TMPRSS11A: variants seen among roughly 807,000 people sequenced by gnomAD.
TMPRSS11A encodes transmembrane serine protease 11A.
A neutral mutation model predicts 58.9 loss-of-function variants in TMPRSS11A; 53 were observed. The observed-to-expected ratio is 0.90, with a 90% confidence interval of 0.72 to 1.13. The LOEUF is 1.13. Ranked by LOEUF, TMPRSS11A falls within the 50% of genes most tolerant of loss-of-function variation. The probability of loss-of-function intolerance (pLI) is 0.00; values close to 1 mark genes in which losing one functional copy is unlikely to be tolerated. For synonymous variants in TMPRSS11A, 167 were observed against 169.8 expected, an observed-to-expected ratio of 0.98 and a Z score of 0.13; for missense variants, 493 against 499.3, an observed-to-expected ratio of 0.99 and a Z score of 0.12.
chr4:67,948,645 A>T (rs1020166251), intron 1 of TMPRSS11A, among the ~76,000 whole-genome samples: 1 of 152,220 alleles, frequency 6.6e-6, no homozygotes, highest in Non-Finnish European at 1.5e-5. Flanking sequence ...AAAATAATCT[A>T]GAGAACTGGC....
chr4:67,963,363 T>C lies in TMPRSS11A; in HGVS notation c.11+20A>G, dbSNP rs753752383. On this transcript the variant is annotated intron_variant, in intron 1 of 9. Transcript: ENST00000508048. ...GACAGTACATCAAACAAGCCATCTA[T>C]AAAACAGAACTGAACTTACCGATAC... 1 of 1,613,594 alleles carries C rather than the reference T, an allele frequency of 6.2e-7. No homozygotes were observed. The highest frequency in any genetic ancestry group is 2.2e-5 in the East Asian group (1 of 44,856).
At chr4:67,932,811 T>G (rs889851370) in intron 3 of TMPRSS11A, among the ~76,000 whole-genome samples, 2 of 152,072 alleles carry the variant, frequency 1.3e-5, no homozygotes, top group African/African-American at 4.8e-5. Context: ...TAGGTGGTAT[T>G]CCAGTATTAG....
intron 1 of TMPRSS11A, among the ~76,000 whole-genome samples, chr4:67,953,841 C>T (rs1340705699): frequency 6.6e-6 from 1 of 151,942 alleles, no homozygotes; most frequent in East Asian, 1.9e-4. Flanking sequence ...TTCCACAGAA[C>T]AGTTTTGAAA....
chr4:67,913,827 T>C (rs1720069878), intron 9 of TMPRSS11A, among the ~76,000 whole-genome samples: 1 of 152,212 alleles, frequency 6.6e-6, no homozygotes, highest in African/African-American at 2.4e-5. Context: ...TGCCACCTGA[T>C]ATCAATACCA....
intron 3 of TMPRSS11A, among the ~76,000 whole-genome samples, chr4:67,940,265 A>T (rs901625811): frequency 2.0e-5 from 3 of 152,118 alleles, no homozygotes; most frequent in Non-Finnish European, 4.4e-5. Context: ...ATTTAGGAAG[A>T]AGTCTCTTCT....
At position 67,914,687 on chromosome 4, in the gene TMPRSS11A, T is replaced by TA; in HGVS notation, c.995dup (p.Ser333LysfsTer2). The TA allele has an allele frequency of 6.2e-7, 1 of 1,613,070 alleles. No individual in the cohort carries two copies. The highest frequency in any genetic ancestry group is 1.3e-5 in the African/African-American group (1 of 75,002). On this transcript the variant is annotated frameshift_variant, in exon 9 of 10. Coordinates refer to ENST00000508048, the MANE Select transcript of TMPRSS11A (RefSeq NM_001114387.2). LOFTEE classifies it high-confidence loss of function. ...GTGGTTGCTTGCAGACATCATCACT[T>TA]ATGATTTTCACTCTGGCTTCTCGGA...
At chr4:67,945,377 T>C (rs1007494656) in intron 2 of TMPRSS11A, among the ~76,000 whole-genome samples, 1 of 151,112 alleles carries the variant, frequency 6.6e-6, no homozygotes, top group Non-Finnish European at 1.5e-5. Context: ...GAAGAGGGAG[T>C]GGGTTTCGAG....
At chr4:67,916,121 G>A (rs1199142428) in intron 8 of TMPRSS11A, among the ~76,000 whole-genome samples, 4 of 152,046 alleles carry the variant, frequency 2.6e-5, no homozygotes, top group Admixed American at 6.6e-5. Context: ...CGCTACAAGA[G>A]TAGATATTAA....
chr4:67,948,161 T>C (rs1333859914), intron 1 of TMPRSS11A, among the ~76,000 whole-genome samples: 1 of 144,634 alleles, frequency 6.9e-6, no homozygotes, highest in Non-Finnish European at 1.5e-5. Context: ...TTTTTTTTTT[T>C]TTTTTTTGAG....
At chr4:67,923,475 C>T (rs1163815177) in intron 6 of TMPRSS11A, among the ~76,000 whole-genome samples, 1 of 152,134 alleles carries the variant, frequency 6.6e-6, no homozygotes, top group Non-Finnish European at 1.5e-5. Flanking sequence ...AATGAAGCCA[C>T]TGTTAGCGAT....
rs146534047 is a variant in TMPRSS11A, at chr4:67,913,000, G to T, written c.1096-1497C>A. On this transcript the variant is annotated intron_variant, in intron 9 of 9. Transcript: ENST00000508048. ...TATTTTTCTCCTCTGTGTCTTTTTT[G>T]TTGTTGTTGTTCTTTCTGAGAGATT... Among the ~76,000 whole-genome samples, 539 of 151,876 alleles carry T rather than the reference G, an allele frequency of 3.5e-3. 3 individuals carry two copies. The highest frequency in any genetic ancestry group is 0.011 in the African/African-American group (461 of 41,448).
At chr4:67,947,904 A>T (rs1721065186) in intron 1 of TMPRSS11A, among the ~76,000 whole-genome samples, 1 of 152,208 alleles carries the variant, frequency 6.6e-6, no homozygotes, top group African/African-American at 2.4e-5. Context: ...TTACACAGGA[A>T]ATAACACAGG....
At chr4:67,913,870 G>A (rs1720071343) in intron 9 of TMPRSS11A, among the ~76,000 whole-genome samples, 1 of 152,166 alleles carries the variant, frequency 6.6e-6, no homozygotes, top group Admixed American at 6.5e-5. Flanking sequence ...GGCCTCCTTA[G>A]AGTTCTAAAG....
intron 1 of TMPRSS11A, among the ~76,000 whole-genome samples, chr4:67,954,399 T>C (rs867805024): frequency 1.3e-5 from 2 of 152,188 alleles, no homozygotes; most frequent in Non-Finnish European, 2.9e-5. Context: ...TTACTCCAAA[T>C]TCTTGTAGCC....
intron 3 of TMPRSS11A, among the ~76,000 whole-genome samples, chr4:67,938,381 C>A (rs1020091025): frequency 6.6e-6 from 1 of 152,060 alleles, no homozygotes; most frequent in African/African-American, 2.4e-5. Context: ...TTGATAGTTT[C>A]TTTTATTGTG....
intron 3 of TMPRSS11A, among the ~76,000 whole-genome samples, chr4:67,935,442 G>A (rs2109752818): frequency 6.6e-6 from 1 of 152,158 alleles, no homozygotes; most frequent in Non-Finnish European, 1.5e-5. Flanking sequence ...ATCTCAAACT[G>A]ACCTGTCTTC....
chr4:67,954,304 A>C (rs146826712), intron 1 of TMPRSS11A, among the ~76,000 whole-genome samples: 22 of 152,318 alleles, frequency 1.4e-4, no homozygotes, highest in African/African-American at 5.3e-4. Context: ...CTTCATCCCC[A>C]TGGAGGGATA....
chr4:67,938,642 C>G (rs754847667), intron 3 of TMPRSS11A, among the ~76,000 whole-genome samples: 24 of 152,076 alleles, frequency 1.6e-4, no homozygotes, highest in Non-Finnish European at 3.2e-4. Flanking sequence ...GCTAGCTATT[C>G]CAGCACCATT....
chr4:67,926,311 T>C (rs1189623021), intron 5 of TMPRSS11A, among the ~76,000 whole-genome samples: 1 of 152,258 alleles, frequency 6.6e-6, no homozygotes, highest in Non-Finnish European at 1.5e-5. Flanking sequence ...AGACTTAATC[T>C]AGAATCTCTA....
Sources: gnomAD v4.1 joint callset for allele counts (sites outside exome capture counted in the v4.1 genomes callset) on GRCh38, gnomAD v4.1.1 for gene constraint, MANE v1.5 for transcripts, NCBI Gene and HGNC (gene_info 2026-07-23, HGNC 2026-07-21) for gene names.